Variants in CSMD1 observed in about 807,000 individuals in gnomAD.
CSMD1 encodes CUB and Sushi multiple domains 1.
A neutral mutation model predicts 417.5 loss-of-function variants in CSMD1; 213 were observed. The ratio of observed to expected loss-of-function variants is 0.51; its 90% confidence interval spans 0.46 to 0.57. CSMD1 has a LOEUF of 0.57. Ranked by LOEUF, CSMD1 falls within the 20% of genes least tolerant of loss-of-function variation. The probability of loss-of-function intolerance (pLI) is 0.00; values close to 1 mark genes in which losing one functional copy is unlikely to be tolerated. For missense variants in CSMD1, 6,923 were observed against 4,529.7 expected (o/e 1.53, Z -15.17); for synonymous variants, 2,862 against 1,736.8 (o/e 1.65, Z -16.11).
chr8:3,804,074 G>C (rs756578871), intron 5 of CSMD1, among the ~76,000 whole-genome samples: 11 of 152,078 alleles, frequency 7.2e-5, no homozygotes, highest in Non-Finnish European at 1.3e-4. Flanking sequence ...TTACAGACGT[G>C]CACCACCACA....
chr8:4,066,266 G>T (rs984973077), intron 3 of CSMD1, among the ~76,000 whole-genome samples: 11 of 152,100 alleles, frequency 7.2e-5, no homozygotes, highest in African/African-American at 2.7e-4. Context: ...CACCTCTGAG[G>T]TATCCCTTCT....
intron 1 of CSMD1, among the ~76,000 whole-genome samples, chr8:4,686,413 C>T (rs1806389915): frequency 6.6e-6 from 1 of 152,228 alleles, no homozygotes; most frequent in Non-Finnish European, 1.5e-5. Context: ...GTCACCTGCC[C>T]TTGCTCTTCT....
chr8:4,851,895 T>C (rs982496526), intron 1 of CSMD1, among the ~76,000 whole-genome samples: 21 of 152,144 alleles, frequency 1.4e-4, no homozygotes, highest in African/African-American at 4.1e-4. Flanking sequence ...ATAGAGAAAA[T>C]TTATACTCAT....
chr8:3,175,547 C>T (rs868677174), intron 37 of CSMD1, among the ~76,000 whole-genome samples: 5 of 140,426 alleles, frequency 3.6e-5, no homozygotes, highest in Non-Finnish European at 7.7e-5. Context: ...TTCCCTCCCT[C>T]CCTCTCTCCC....
intron 3 of CSMD1, among the ~76,000 whole-genome samples, chr8:4,218,303 TG>T (rs1800807506): frequency 6.6e-6 from 1 of 152,230 alleles, no homozygotes; most frequent in South Asian, 2.1e-4. Flanking sequence ...TTTCCTATAC[TG>T]TGAATTCTTA....
chr8:3,241,235 A>C (rs1162924206), intron 26 of CSMD1, among the ~76,000 whole-genome samples: 1 of 151,028 alleles, frequency 6.6e-6, no homozygotes, highest in African/African-American at 2.4e-5. Flanking sequence ...GAGTGCTTAA[A>C]AGAGTATTGT....
At chr8:4,017,537 C>A (rs1317985030) in intron 4 of CSMD1, among the ~76,000 whole-genome samples, 1 of 152,168 alleles carries the variant, frequency 6.6e-6, no homozygotes, top group Non-Finnish European at 1.5e-5. Flanking sequence ...AACTCCCGAT[C>A]TCAGATGATC....
rs371204053 is a variant in CSMD1, at chr8:3,616,722, C to A, written c.1085G>T (p.Gly362Val). Reference protein sequence around the residue: ...PGIPENGRRAGSDFRVGANVQ... With the variant: ...PGIPENGRRAVSDFRVGANVQ... ...TTGTATCTCTTACCTGAAGTCGGAA[C>A]CTGCTCTTCTACCATTTTCTGGAAT... Residue 362 changes from glycine to valine, a missense_variant, in exon 8 of 70, where the codon GGT becomes GTT. By Grantham distance (109) the Gly-to-Val change is moderately radical. Transcript: ENST00000635120. The A allele has an allele frequency of 2.5e-6, 4 of 1,609,970 alleles. No homozygotes were observed. Among genetic ancestry groups the A allele is most frequent in the East Asian group, 2.2e-5 (1 of 44,802 alleles).
At chr8:4,066,126 C>G (rs964766630) in intron 3 of CSMD1, among the ~76,000 whole-genome samples, 3 of 151,922 alleles carry the variant, frequency 2.0e-5, no homozygotes, top group Non-Finnish European at 4.4e-5. Context: ...AGCCTTTGTT[C>G]AAGCTCTTTT....
Position 2,938,677 on chromosome 8 carries a change from C to G in CSMD1, c.10603G>C (p.Glu3535Gln), listed in dbSNP as rs1399166259. Reference sequence around the variant, plus strand: ...AAGTTTGTATCATACATGGGGTTTTCAAACGATGCTTGTCCATTGCTGTTT... The same window carrying G: ...AAGTTTGTATCATACATGGGGTTTTGAAACGATGCTTGTCCATTGCTGTTT... ...HENSNGQASF[E>Q]NPMYDTNLKP... Residue 3535 changes from glutamate to glutamine, a missense_variant, in exon 70 of 70, where the codon GAA becomes CAA. Coordinates refer to ENST00000635120, the MANE Select transcript of CSMD1 (RefSeq NM_033225.6). The G allele has an allele frequency of 1.9e-6, 3 of 1,611,858 alleles. No homozygotes were observed. Among genetic ancestry groups the G allele is most frequent in the Non-Finnish European group, 1.7e-6 (2 of 1,178,924 alleles).
chr8:3,709,892 T>A (rs769417970), intron 6 of CSMD1, among the ~76,000 whole-genome samples: 9 of 147,932 alleles, frequency 6.1e-5, no homozygotes, highest in African/African-American at 2.3e-4. Context: ...AGGAGATTCA[T>A]ATAGATATGA....
intron 26 of CSMD1, chr8:3,278,987 A>G (rs1010854244): frequency 6.6e-6 from 1 of 152,224 alleles, no homozygotes; most frequent in African/African-American, 2.4e-5. Flanking sequence ...CTAGAAAACC[A>G]GGACATGATT....
chr8:3,876,637 T>C (rs528539538), intron 5 of CSMD1, among the ~76,000 whole-genome samples: 3 of 152,320 alleles, frequency 2.0e-5, no homozygotes, highest in Non-Finnish European at 2.9e-5. Flanking sequence ...TGAGACAGAG[T>C]CTTGCTCTGT....
chr8:3,499,456 C>G (rs1417622902), intron 10 of CSMD1, among the ~76,000 whole-genome samples: 1 of 151,938 alleles, frequency 6.6e-6, no homozygotes, highest in Non-Finnish European at 1.5e-5. Flanking sequence ...GTCCTTGGGT[C>G]CCTGGGGAGC....
chr8:3,828,846 G>C (rs757208381), intron 5 of CSMD1, among the ~76,000 whole-genome samples: 1 of 152,038 alleles, frequency 6.6e-6, no homozygotes, highest in Non-Finnish European at 1.5e-5. Context: ...AACTCCACGA[G>C]ATTTTGTCTT....
intron 2 of CSMD1, among the ~76,000 whole-genome samples, chr8:4,594,193 A>ATTTTTTT (rs1213486937): frequency 6.8e-5 from 6 of 88,104 alleles, no homozygotes; most frequent in African/African-American, 1.2e-4. Flanking sequence ...TTCTAAAGTG[A>ATTTTTTT]TCTTTTTTTT....
At chr8:3,461,776 A>G (rs145798390) in intron 12 of CSMD1, among the ~76,000 whole-genome samples, 242 of 152,308 alleles carry the variant, frequency 1.6e-3, no homozygotes, top group African/African-American at 5.6e-3. Context: ...GGGACGATTT[A>G]TCCATGGGGA....
chr8:4,454,432 C>G (rs1010216331), intron 2 of CSMD1, among the ~76,000 whole-genome samples: 1 of 152,148 alleles, frequency 6.6e-6, no homozygotes, highest in Admixed American at 6.5e-5. Flanking sequence ...GATACCCTAC[C>G]CTAGTCTGGC....
At chr8:3,270,973 A>C (rs1801806036) in intron 26 of CSMD1, among the ~76,000 whole-genome samples, 1 of 151,738 alleles carries the variant, frequency 6.6e-6, no homozygotes, top group South Asian at 2.1e-4. Context: ...ACATGTGCAC[A>C]ACGTACAGGT....
Sources: allele counts gnomAD v4.1 joint callset (sites outside exome capture counted in the v4.1 genomes callset), GRCh38; gene constraint gnomAD v4.1.1; transcripts MANE v1.5; gene names NCBI Gene and HGNC (gene_info 2026-07-23, HGNC 2026-07-21).